The following POLR3K variants were observed in gnomAD, a reference collection of about 807,000 sequenced individuals.
POLR3K encodes the protein RNA polymerase III subunit K.
A neutral mutation model predicts 13.5 loss-of-function variants in POLR3K; 11 were observed. The observed-to-expected ratio is 0.81, with a 90% confidence interval of 0.51 to 1.35. The LOEUF is 1.35. Among genes scored for constraint, POLR3K ranks in the 40% most tolerant of loss-of-function variants. The pLI is 0.00. For synonymous variants in POLR3K, 56 were observed against 51.5 expected, an observed-to-expected ratio of 1.09 and a Z score of -0.38; for missense variants, 144 against 145.3, an observed-to-expected ratio of 0.99 and a Z score of 0.05.
rs137977964 is a variant in POLR3K at position 47,094 on chromosome 16, C to T, written c.*336G>A. On this transcript the variant is annotated 3_prime_UTR_variant, in exon 3 of 3. Coordinates refer to ENST00000293860, the MANE Select transcript of POLR3K (RefSeq NM_016310.5). ...ATTTAGGGACATGTACTAAGTTTTACAAACAGTACAAATATTTAAGAGTGT... is the reference window on the plus strand; with the variant it reads ...ATTTAGGGACATGTACTAAGTTTTATAAACAGTACAAATATTTAAGAGTGT... 13 of 158,522 alleles carry T rather than the reference C, an allele frequency of 8.2e-5. No individual in the cohort carries two copies. The East Asian group carries it at 1.9e-3, about 24-fold the overall frequency. The allele number at this position is 158,522 out of a possible 1,614,324, so 9.8% of individuals were successfully genotyped here.
At position 47,065 on chromosome 16, in the gene POLR3K, A is replaced by C. The variant is rs1229808816; in HGVS notation, c.*365T>G. 1 of 153,666 alleles carries C rather than the reference A, an allele frequency of 6.5e-6. No homozygotes were observed. The highest frequency in any genetic ancestry group is 2.4e-5 in the African/African-American group (1 of 41,510). The allele number at this position is 153,666 out of a possible 1,614,324, so 9.5% of individuals were successfully genotyped here. Reference sequence around the variant, plus strand: ...TTACACAAGTTTACAAGTAACAGTTAAATATTTAGGGACATGTACTAAGTT... The same window carrying C: ...TTACACAAGTTTACAAGTAACAGTTCAATATTTAGGGACATGTACTAAGTT... On this transcript the variant is annotated 3_prime_UTR_variant, in exon 3 of 3. Transcript: ENST00000293860.
Position 51,799 on chromosome 16 carries a change from T to A in POLR3K, c.112-154A>T, listed in dbSNP as rs559981652. The A allele has an allele frequency of 4.1e-4, 240 of 590,124 alleles. 1 individual carries two copies. In the African/African-American group the frequency reaches 4.3e-3, roughly 11 times the overall value. The allele number at this position is 590,124 out of a possible 1,614,324, so 36.6% of individuals were successfully genotyped here. A position where few individuals can be genotyped will look rare whatever the true frequency, so the allele number is the denominator to read the frequency against. On this transcript the variant is annotated intron_variant, in intron 1 of 2. Transcript: ENST00000293860. The stretch of plus-strand genomic sequence containing the variant: ...ACTTTGGGAGGCCAAGACGGGCGGA[T>A]CACGAGGTCAAGAGATCGAGACCAT...
At chr16:53,276 G>C in intron 1 of POLR3K, 200 bp downstream of exon 1, 2 of 1,094,406 alleles carry the variant, frequency 1.8e-6, no homozygotes, top group South Asian at 1.9e-5. Flanking sequence ...GTGGGAGCAG[G>C]AACCCAAGGC....
intron 1 of POLR3K, chr16:52,037 A>G (rs555787406): frequency 2.9e-5 from 5 of 174,510 alleles, no homozygotes; most frequent in Non-Finnish European, 4.9e-5. Context: ...AAAAAAAACA[A>G]AGAGTTCACT....
intron 2 of POLR3K, among the ~76,000 whole-genome samples, chr16:50,506 A>G (rs1897322302): frequency 6.6e-6 from 1 of 152,130 alleles, no homozygotes; most frequent in African/African-American, 2.4e-5. Flanking sequence ...GAGACTGGGT[A>G]ATTTATATAG....
intron 2 of POLR3K, among the ~76,000 whole-genome samples, chr16:48,895 T>G (rs1228684393): frequency 1.3e-5 from 2 of 151,724 alleles, no homozygotes; most frequent in Non-Finnish European, 2.9e-5. Flanking sequence ...GGCTCTTGCC[T>G]GTAATCCCAG....
chr16:48,425 G>A (rs1371567148), intron 2 of POLR3K, among the ~76,000 whole-genome samples: 1 of 152,172 alleles, frequency 6.6e-6, no homozygotes, highest in African/African-American at 2.4e-5. Flanking sequence ...GGTCCATTTT[G>A]TGCTGCTGTA....
intron 2 of POLR3K, among the ~76,000 whole-genome samples, chr16:50,111 C>A (rs561227159): frequency 2.6e-5 from 4 of 152,208 alleles, no homozygotes; most frequent in Admixed American, 2.6e-4. Context: ...GGTGCTGCCA[C>A]CACGCCTGGC....
At chr16:52,799 TA>T (rs1335971952) in intron 1 of POLR3K, among the ~76,000 whole-genome samples, 38 of 75,012 alleles carry the variant, frequency 5.1e-4, no homozygotes, top group South Asian at 3.6e-3. Flanking sequence ...AAAAAAACAA[TA>T]AAAAAAAATA....
chr16:48,259 A>G (rs1405801890), intron 2 of POLR3K, among the ~76,000 whole-genome samples: 1 of 151,382 alleles, frequency 6.6e-6, no homozygotes, highest in East Asian at 1.9e-4. Flanking sequence ...GGGTAGATCT[A>G]CAAACAGTGA....
At chr16:53,430 G>A (rs765115293) in intron 1 of POLR3K, 46 bp downstream of exon 1, 1 of 1,533,496 alleles carries the variant, frequency 6.5e-7, no homozygotes, top group Non-Finnish European at 8.7e-7. Context: ...GGACGCGGAA[G>A]GCCTGCGAGA....
At chr16:50,024 T>C (rs74539621) in intron 2 of POLR3K, among the ~76,000 whole-genome samples, 3 of 151,812 alleles carry the variant, frequency 2.0e-5, no homozygotes, top group Middle Eastern at 6.8e-3. Context: ...AATGATGCAA[T>C]CTTGGCTCAC....
At chr16:52,446 C>A (rs1383356510) in intron 1 of POLR3K, among the ~76,000 whole-genome samples, 679 of 73,642 alleles carry the variant, frequency 9.2e-3, no homozygotes, top group East Asian at 0.013. Flanking sequence ...GACTCTGTCT[C>A]AAAAAAAAAA....
In POLR3K at chr16:47,237, G is replaced by A; in HGVS notation, c.*193C>T. ...TCCTCCCCACACAGAAAAACTCCCA[G>A]ACATTCATGACTTCATCCACCCTGC... is the stretch of plus-strand genomic sequence containing the variant. On this transcript the variant is annotated 3_prime_UTR_variant, in exon 3 of 3. Coordinates refer to ENST00000293860, the MANE Select transcript of POLR3K (RefSeq NM_016310.5). 1 of 557,950 alleles carries A rather than the reference G, an allele frequency of 1.8e-6. No homozygotes were observed. 34.6% of individuals were successfully genotyped at this position (557,950 alleles called of 1,614,324 possible). A position where few individuals can be genotyped will look rare whatever the true frequency, so the allele number is the denominator to read the frequency against.
chr16:51,261 G>A (rs1015953395), intron 2 of POLR3K, among the ~76,000 whole-genome samples: 18 of 151,968 alleles, frequency 1.2e-4, no homozygotes, highest in Non-Finnish European at 2.4e-4. Context: ...TTATGCTCTC[G>A]CGGTCTACGA....
In POLR3K at chr16:53,555, C is replaced by G. The variant is rs1356914022; in HGVS notation, c.32G>C (p.Gly11Ala). Reference sequence around the variant, plus strand: ...GCGTTGTCCCTCCTCCACGATCAGCCCGTTCCCGCAGCCGGGGCAGAACAG... The same window carrying G: ...GCGTTGTCCCTCCTCCACGATCAGCGCGTTCCCGCAGCCGGGGCAGAACAG... MLLFCPGCGN[G>A]LIVEEGQRCH... Residue 11 changes from glycine (G) to alanine (A), a missense_variant, in exon 1 of 3, where the codon GGG becomes GCG. Physicochemically the swap from Gly to Ala is moderately conservative, Grantham distance 60. Coordinates refer to ENST00000293860, the MANE Select transcript of POLR3K (RefSeq NM_016310.5). 1.2e-6 allele frequency: 2 copies of G among 1,613,220 alleles called. No individual in the cohort carries two copies. The highest frequency in any genetic ancestry group is 2.2e-5 in the East Asian group (1 of 44,750).
Position 47,486 on chromosome 16 carries a change from T to C in POLR3K, c.271A>G (p.Met91Val), listed in dbSNP as rs747223550. The change falls in exon 3 of 3, where the codon ATG (methionine) becomes GTG (valine). Residue 91 changes from methionine to valine, a missense_variant. Transcript: ENST00000293860. ...QLQTRSADEPMTTFYKCCNAQ... is the reference protein window; with the variant it reads ...QLQTRSADEPVTTFYKCCNAQ... ...TTGCAGCACTTGTAGAAGGTGGTCA[T>C]CGGCTCATCTGCAGAGCGGGTCTGA... 3 of 1,613,746 alleles carry C rather than the reference T, an allele frequency of 1.9e-6. No individual in the cohort carries two copies. The highest frequency in any genetic ancestry group is 2.5e-6 in the Non-Finnish European group (3 of 1,179,760).
At chr16:52,018 TC>T in intron 1 of POLR3K, 1 of 141,456 alleles carries the variant, frequency 7.1e-6, no homozygotes, top group Non-Finnish European at 1.5e-5. Flanking sequence ...AGACTCCATC[TC>T]AAAAAAAAAA....
At chr16:51,204 A>G (rs1453429370) in intron 2 of POLR3K, among the ~76,000 whole-genome samples, 1 of 152,186 alleles carries the variant, frequency 6.6e-6, no homozygotes, top group Non-Finnish European at 1.5e-5. Flanking sequence ...TATCAAAGCT[A>G]TCACCTGTTG....
Sources: allele counts gnomAD v4.1 joint callset (sites outside exome capture counted in the v4.1 genomes callset), GRCh38; gene constraint gnomAD v4.1.1; transcripts MANE v1.5; gene names NCBI Gene and HGNC (gene_info 2026-07-23, HGNC 2026-07-21).